The following DSCAML1 variants were observed in gnomAD, a reference collection of about 807,000 sequenced individuals.
DSCAML1 encodes the protein DS cell adhesion molecule like 1.
Under a neutral mutation model 200.5 loss-of-function variants are expected in DSCAML1, and 38 were observed. The observed-to-expected ratio is 0.19, with a 90% CI of 0.15 to 0.25. DSCAML1 has a LOEUF of 0.25. Ranked by LOEUF, DSCAML1 falls within the 10% of genes least tolerant of loss-of-function variation. DSCAML1 has a pLI of 1.00. For missense variants in DSCAML1, 2,223 were observed against 2,858.8 expected (o/e 0.78, Z 5.07); for synonymous variants, 1,215 against 1,165.0 (o/e 1.04, Z -0.87).
intron 11 of DSCAML1, among the ~76,000 whole-genome samples, chr11:117,488,737 C>T (rs1219869291): frequency 6.6e-6 from 1 of 152,230 alleles, no homozygotes; most frequent in Non-Finnish European, 1.5e-5. Context: ...CACACATCTC[C>T]CCACACTGCT....
At chr11:117,744,726 G>A (rs1220893124) in intron 3 of DSCAML1, among the ~76,000 whole-genome samples, 1 of 152,228 alleles carries the variant, frequency 6.6e-6, no homozygotes, top group Non-Finnish European at 1.5e-5. Flanking sequence ...CTGAGCCAGA[G>A]GGCAGGAAGG....
intron 3 of DSCAML1, among the ~76,000 whole-genome samples, chr11:117,722,981 G>A (rs2054065739): frequency 6.6e-6 from 1 of 152,198 alleles, no homozygotes; most frequent in Non-Finnish European, 1.5e-5. Flanking sequence ...AGGTTCTGGA[G>A]CCAGATGGCC....
At chr11:117,635,618 A>G (rs185121669) in intron 3 of DSCAML1, among the ~76,000 whole-genome samples, 156 of 151,994 alleles carry the variant, frequency 1.0e-3, no homozygotes, top group Non-Finnish European at 2.1e-3. Context: ...AAGAGAAAGG[A>G]AAAAGGGAGA....
At position 117,516,724 on chromosome 11, in the gene DSCAML1, C is replaced by T. The variant is rs764173789; in HGVS notation, c.1526G>A (p.Arg509Gln). 5.0e-6 allele frequency: 8 copies of T among 1,612,882 alleles called. No individual in the cohort carries two copies. The highest frequency in any genetic ancestry group is 1.3e-5 in the African/African-American group (1 of 74,908). ...GACTGCTGTGATGTTCCGCATAGCC[C>T]GGATGCTGGGTGGGCCTGGGCAGGA... ...RINVRGPPSI[R>Q]AMRNITAVAG... The change falls in exon 8 of 33, where the codon CGG becomes CAG. Residue 509 changes from arginine to glutamine, a missense_variant. Physicochemically the swap from Arg to Gln is conservative, Grantham distance 43. Coordinates refer to ENST00000651296, the MANE Select transcript of DSCAML1 (RefSeq NM_020693.4). This position sits in a 1 kb window ranked among gnomAD's most constrained non-coding sequence, Gnocchi z 5.7.
intron 3 of DSCAML1, among the ~76,000 whole-genome samples, chr11:117,591,264 C>T (rs955258907): frequency 1.3e-5 from 2 of 152,126 alleles, no homozygotes; most frequent in Admixed American, 1.3e-4. Context: ...CCCCATAACC[C>T]AGTGGGCACC....
intron 11 of DSCAML1, among the ~76,000 whole-genome samples, chr11:117,492,711 C>A (rs11216425): frequency 0.073 from 11,180 of 152,240 alleles, 465 homozygotes; most frequent in Admixed American, 0.12. Flanking sequence ...TGTTGGCGCG[C>A]CGGGTGGTCG....
chr11:117,710,404 G>A (rs546383388), intron 3 of DSCAML1, among the ~76,000 whole-genome samples: 1 of 152,198 alleles, frequency 6.6e-6, no homozygotes, highest in Non-Finnish European at 1.5e-5. Flanking sequence ...GGGCTGGGCT[G>A]TCCTCCAGGC....
chr11:117,543,917 T>A (rs2050320396), intron 3 of DSCAML1, among the ~76,000 whole-genome samples: 1 of 152,096 alleles, frequency 6.6e-6, no homozygotes, highest in Non-Finnish European at 1.5e-5. Context: ...GCTTTTCCAC[T>A]ATTGGAGTCA....
intron 20 of DSCAML1, among the ~76,000 whole-genome samples, chr11:117,447,255 T>G (rs1397114384): frequency 6.6e-6 from 1 of 152,150 alleles, no homozygotes; most frequent in African/African-American, 2.4e-5. Flanking sequence ...GCCACTGCAC[T>G]CCAGCCTGGG....
chr11:117,529,987 C>G (rs970753958), intron 4 of DSCAML1, among the ~76,000 whole-genome samples: 3 of 152,170 alleles, frequency 2.0e-5, no homozygotes, highest in Non-Finnish European at 4.4e-5. Flanking sequence ...GTGCCCCCTC[C>G]CTGGAGCCCC....
At chr11:117,603,033 T>A (rs979874117) in intron 3 of DSCAML1, among the ~76,000 whole-genome samples, 1 of 152,006 alleles carries the variant, frequency 6.6e-6, no homozygotes, top group Non-Finnish European at 1.5e-5. Flanking sequence ...AGGGCAGAGG[T>A]TGCAGTGAGC....
intron 3 of DSCAML1, among the ~76,000 whole-genome samples, chr11:117,604,921 C>A (rs1320634878): frequency 6.6e-6 from 1 of 152,182 alleles, no homozygotes; most frequent in Non-Finnish European, 1.5e-5. Context: ...CACTGCCTGG[C>A]CTGTGGCACA....
intron 3 of DSCAML1, among the ~76,000 whole-genome samples, chr11:117,629,926 G>T (rs374038487): frequency 6.6e-6 from 1 of 152,196 alleles, no homozygotes; most frequent in Admixed American, 6.5e-5. Flanking sequence ...GGTTGAGACT[G>T]CTTGAGCCCT....
chr11:117,555,831 G>A (rs1313872335), intron 3 of DSCAML1, among the ~76,000 whole-genome samples: 1 of 151,924 alleles, frequency 6.6e-6, no homozygotes, highest in Non-Finnish European at 1.5e-5. Context: ...CTTAACTATG[G>A]TGATCAGCTC....
intron 3 of DSCAML1, among the ~76,000 whole-genome samples, chr11:117,606,324 GC>G (rs1218889132): frequency 6.6e-6 from 1 of 152,038 alleles, no homozygotes; most frequent in Non-Finnish European, 1.5e-5. Flanking sequence ...TACCTTCACT[GC>G]CCCCCTGGAG....
At chr11:117,614,347 T>C (rs1271477157) in intron 3 of DSCAML1, among the ~76,000 whole-genome samples, 1 of 152,094 alleles carries the variant, frequency 6.6e-6, no homozygotes, top group Non-Finnish European at 1.5e-5. Context: ...ACACCACTGG[T>C]TCTTAACTTG....
intron 3 of DSCAML1, among the ~76,000 whole-genome samples, chr11:117,575,846 CCAAAACAAAA>C (rs36226708): frequency 0.6 from 90,219 of 150,234 alleles, 27,368 homozygotes; most frequent in South Asian, 0.69. Flanking sequence ...CAAAAACAAC[CCAAAACAAAA>C]CAAAACAAAA....
chr11:117,674,046 C>G (rs548960723), intron 3 of DSCAML1, among the ~76,000 whole-genome samples: 1 of 152,200 alleles, frequency 6.6e-6, no homozygotes, highest in African/African-American at 2.4e-5. Flanking sequence ...TTCCCTCGAT[C>G]CCCGCACCTT....
chr11:117,736,586 G>A (rs1001319539), intron 3 of DSCAML1, among the ~76,000 whole-genome samples: 2 of 152,156 alleles, frequency 1.3e-5, no homozygotes, highest in Non-Finnish European at 2.9e-5. Context: ...CAATTTGGGT[G>A]GGAAAATTCT....
Sources: gnomAD v4.1 joint callset for allele counts (sites outside exome capture counted in the v4.1 genomes callset) on GRCh38, gnomAD v4.1.1 for gene constraint, Gnocchi (gnomAD v3.1) non-coding constraint, MANE v1.5 for transcripts, NCBI Gene and HGNC (gene_info 2026-07-23, HGNC 2026-07-21) for gene names.